Variants in ANK3 observed in about 807,000 individuals in gnomAD.
ANK3 encodes ankyrin 3.
In ANK3, 57 loss-of-function variants were observed where a neutral mutation model predicts 370.9. The ratio of observed to expected loss-of-function variants is 0.15; its 90% CI spans 0.12 to 0.19. The LOEUF is 0.19. Among genes scored for constraint, ANK3 ranks in the 10% least tolerant of loss-of-function variants. The probability of loss-of-function intolerance (pLI) is 1.00; values close to 1 mark genes in which losing one functional copy is unlikely to be tolerated. For synonymous variants in ANK3, 1,929 were observed against 1,946.3 expected, an observed-to-expected ratio of 0.99 and a Z score of 0.23; for missense variants, 4,439 against 5,302.1, an observed-to-expected ratio of 0.84 and a Z score of 5.06.
chr10:60,186,224 TTA>T (rs1380077360), intron 17 of ANK3, among the ~76,000 whole-genome samples: 2 of 150,602 alleles, frequency 1.3e-5, no homozygotes, highest in East Asian at 3.9e-4. Flanking sequence ...TAACAAAACT[TTA>T]TGTTACTACA....
Position 60,654,944 on chromosome 10 carries a change from A to G in ANK3, c.58-39720T>C, listed in dbSNP as rs530241125. Among the ~76,000 whole-genome samples, 4 of 152,296 alleles carry G rather than the reference A, an allele frequency of 2.6e-5. No homozygotes were observed. The South Asian group carries it at 6.2e-4, about 24-fold the overall frequency. On this transcript the variant is annotated intron_variant, in intron 1 of 43. Coordinates refer to the ANK3 transcript ENST00000373827. ...ATGATGATGATTCCGTAAGATTTTA[A>G]GGGAGCTGAAAAACTCCTATATCCT...
At chr10:60,209,316 A>G (rs1403907324) in intron 9 of ANK3, among the ~76,000 whole-genome samples, 1 of 152,236 alleles carries the variant, frequency 6.6e-6, no homozygotes, top group Non-Finnish European at 1.5e-5. Context: ...AAGGAACCAG[A>G]GGTTTCTGAA....
At chr10:60,635,465 C>T (rs1256022871) in intron 1 of ANK3, among the ~76,000 whole-genome samples, 1 of 152,096 alleles carries the variant, frequency 6.6e-6, no homozygotes, top group African/African-American at 2.4e-5. Flanking sequence ...AGGGCCACTC[C>T]TTCTAAGGCC....
chr10:60,241,722 G>C (rs566963523), intron 7 of ANK3, among the ~76,000 whole-genome samples: 6 of 152,126 alleles, frequency 3.9e-5, no homozygotes, highest in Admixed American at 3.3e-4. Context: ...AAAAACTTAA[G>C]TATACATATG....
intron 1 of ANK3, among the ~76,000 whole-genome samples, chr10:60,302,994 C>A (rs2044165948): frequency 1.3e-5 from 2 of 152,070 alleles, no homozygotes; most frequent in South Asian, 4.1e-4. Flanking sequence ...GCTGGGAAAC[C>A]AGGATATCCA....
intron 1 of ANK3, chr10:60,685,025 G>A: frequency 5.9e-6 from 9 of 1,535,460 alleles, no homozygotes; most frequent in Non-Finnish European, 8.0e-6. Flanking sequence ...ATAGGAGATG[G>A]CCTAAAGGAA....
intron 2 of ANK3, among the ~76,000 whole-genome samples, chr10:60,413,436 A>G (rs1357141541): frequency 6.6e-6 from 1 of 152,208 alleles, no homozygotes; most frequent in Non-Finnish European, 1.5e-5. Flanking sequence ...TATACTGACA[A>G]TCTTCTCTAG....
intron 17 of ANK3, among the ~76,000 whole-genome samples, chr10:60,182,721 C>A (rs74156427): frequency 6.6e-4 from 100 of 152,164 alleles, no homozygotes; most frequent in African/African-American, 2.2e-3. Flanking sequence ...TCCATCAGAG[C>A]AATTATGGAA....
chr10:60,228,781 C>CATTAAGA (rs2097202246), intron 8 of ANK3, among the ~76,000 whole-genome samples: 1 of 152,050 alleles, frequency 6.6e-6, no homozygotes, highest in Admixed American at 6.6e-5. Flanking sequence ...TACCAACATA[C>CATTAAGA]ATTAAGAAAC....
At chr10:60,200,357 G>T in intron 12 of ANK3, 130 bp from the exon 13 acceptor site, 3 of 737,690 alleles carry the variant, frequency 4.1e-6, no homozygotes, top group Non-Finnish European at 7.2e-6. Flanking sequence ...TTATTGAAAA[G>T]ATAGGAAATC....
At chr10:60,317,856 G>A (rs894833472) in intron 1 of ANK3, among the ~76,000 whole-genome samples, 11 of 152,018 alleles carry the variant, frequency 7.2e-5, no homozygotes, top group Non-Finnish European at 1.3e-4. Flanking sequence ...TGGGAATACA[G>A]GCACCTGCCA....
chr10:60,546,703 G>A (rs926833338), intron 2 of ANK3, among the ~76,000 whole-genome samples: 5 of 151,990 alleles, frequency 3.3e-5, no homozygotes, highest in African/African-American at 1.2e-4. Context: ...GAGGTGGAAC[G>A]TACACACAGA....
intron 2 of ANK3, among the ~76,000 whole-genome samples, chr10:60,438,543 G>A (rs942237056): frequency 1.3e-5 from 2 of 152,170 alleles, no homozygotes; most frequent in African/African-American, 4.8e-5. Flanking sequence ...GTGGGGAAGA[G>A]TAAGGCAAAT....
At chr10:60,492,706 C>CAAAAAAAAAAAA (rs764367710) in intron 2 of ANK3, among the ~76,000 whole-genome samples, 2 of 57,500 alleles carry the variant, frequency 3.5e-5, no homozygotes, top group Non-Finnish European at 6.4e-5. Flanking sequence ...GACTCTGTCT[C>CAAAAAAAAAAAA]AAAAAAAAAA....
At chr10:60,664,142 T>A (rs1337596498) in intron 1 of ANK3, among the ~76,000 whole-genome samples, 1 of 152,248 alleles carries the variant, frequency 6.6e-6, no homozygotes, top group Non-Finnish European at 1.5e-5. Context: ...CGAACCCTGA[T>A]GGGAACTCAG....
chr10:60,485,885 C>T (rs186493630), intron 2 of ANK3, among the ~76,000 whole-genome samples: 51 of 151,068 alleles, frequency 3.4e-4, no homozygotes, highest in Admixed American at 7.9e-4. Context: ...TTTTGGGATA[C>T]TAAAAATGGA....
chr10:60,202,224 C>T (rs1050445726), intron 12 of ANK3, among the ~76,000 whole-genome samples: 2 of 151,902 alleles, frequency 1.3e-5, no homozygotes, highest in African/African-American at 2.4e-5. Context: ...CAGGTTCAGG[C>T]AATTCTCCTG....
intron 2 of ANK3, among the ~76,000 whole-genome samples, chr10:60,544,612 T>C (rs939991330): frequency 2.8e-4 from 43 of 152,096 alleles, no homozygotes; most frequent in African/African-American, 9.9e-4. Flanking sequence ...ATGAAAATAT[T>C]ATTAGACAGC....
rs2081972011 is a variant in ANK3, at chr10:60,067,982, T to C, written c.12272A>G (p.Asp4091Gly). ...TGPQSPCERT[D>G]IRMAIVADHL... ...ATCGGCTACTATTGCCATCCTGATA[T>C]CTGTCCGTTCACATGGACTCTGTGG... Residue 4091 changes from aspartate to glycine, a missense_variant, in exon 38 of 44, where the codon GAT (aspartate) becomes GGT (glycine). Around this residue, in one of 13 missense-constraint regions of ANK3, gnomAD observed 99 missense variants for 150.7 expected, o/e 0.66. Transcript: ENST00000280772. 6.2e-7 allele frequency: 1 copy of C among 1,610,720 alleles called. No homozygotes were observed. Among genetic ancestry groups the C allele is most frequent in the South Asian group, 1.1e-5 (1 of 90,868 alleles).
Sources: allele counts gnomAD v4.1 joint callset (sites outside exome capture counted in the v4.1 genomes callset), GRCh38; gene constraint gnomAD v4.1.1; regional missense constraint gnomAD v4.1.1; transcripts MANE v1.5; gene names NCBI Gene and HGNC (gene_info 2026-07-23, HGNC 2026-07-21).